The following GPR158 variants were observed in gnomAD, a reference collection of about 807,000 sequenced individuals.
GPR158 encodes the protein metabotropic glycine receptor.
In GPR158, 30 loss-of-function variants were observed where a neutral mutation model predicts 78.2. That is an observed-to-expected ratio of 0.38 (90% CI 0.29 to 0.52). GPR158 has a LOEUF of 0.52. Ranked by LOEUF, GPR158 falls within the 20% of genes least tolerant of loss-of-function variation. The pLI, the probability that GPR158 is intolerant of heterozygous loss-of-function variation, is 0.83. For missense variants in GPR158, 1,463 were observed against 1,523.5 expected, an observed-to-expected ratio of 0.96 and a Z score of 0.66; for synonymous variants, 581 against 591.1, an observed-to-expected ratio of 0.98 and a Z score of 0.25.
At chr10:25,567,153 A>G (rs751379832) in intron 6 of GPR158, among the ~76,000 whole-genome samples, 1 of 152,224 alleles carries the variant, frequency 6.6e-6, no homozygotes, top group Non-Finnish European at 1.5e-5. Flanking sequence ...TTTTATAAAT[A>G]GAAGAGATAC....
intron 2 of GPR158, among the ~76,000 whole-genome samples, chr10:25,358,240 T>G (rs1179570184): frequency 6.7e-6 from 1 of 148,454 alleles, no homozygotes; most frequent in East Asian, 1.9e-4. Context: ...TGCCTTGTTT[T>G]GGATGAGACT....
At chr10:25,365,004 T>G (rs1037710725) in intron 2 of GPR158, among the ~76,000 whole-genome samples, 1 of 151,846 alleles carries the variant, frequency 6.6e-6, no homozygotes, top group African/African-American at 2.4e-5. Flanking sequence ...ACATTTCAAC[T>G]GTCTATGTAA....
At chr10:25,420,861 A>G (rs1311953159) in intron 4 of GPR158, among the ~76,000 whole-genome samples, 1 of 152,114 alleles carries the variant, frequency 6.6e-6, no homozygotes, top group Non-Finnish European at 1.5e-5. Context: ...TGTTTTGATT[A>G]CTATATCTTT....
intron 7 of GPR158, among the ~76,000 whole-genome samples, chr10:25,575,050 G>C (rs113364511): frequency 7.0e-5 from 10 of 141,940 alleles, no homozygotes; most frequent in African/African-American, 2.4e-4. Context: ...CTGGGCAACA[G>C]AGCGAGACTC....
At chr10:25,299,359 CTG>C (rs891261540) in intron 2 of GPR158, among the ~76,000 whole-genome samples, 14 of 152,218 alleles carry the variant, frequency 9.2e-5, no homozygotes, top group Middle Eastern at 3.4e-3. Context: ...TGGAGAAAAA[CTG>C]TATGTTTGTA....
chr10:25,248,447 G>T (rs1462035901), intron 2 of GPR158, among the ~76,000 whole-genome samples: 1 of 151,718 alleles, frequency 6.6e-6, no homozygotes, highest in Non-Finnish European at 1.5e-5. Flanking sequence ...TATGGTTTTA[G>T]GTCTAACATT....
chr10:25,543,717 T>TG (rs1836621279), intron 5 of GPR158, among the ~76,000 whole-genome samples: 2 of 152,252 alleles, frequency 1.3e-5, no homozygotes, highest in Admixed American at 6.5e-5. Context: ...AGTGAGAACA[T>TG]GCAGGAATTT....
intron 1 of GPR158, among the ~76,000 whole-genome samples, chr10:25,200,486 GTTTCTT>G (rs1852907390): frequency 6.6e-6 from 1 of 152,180 alleles, no homozygotes. Context: ...TCTGTGGATA[GTTTCTT>G]TTGCTGTGCA....
intron 2 of GPR158, among the ~76,000 whole-genome samples, chr10:25,250,487 T>C (rs1853778238): frequency 6.8e-6 from 1 of 146,870 alleles, no homozygotes; most frequent in African/African-American, 2.5e-5. Flanking sequence ...GCTTTGAATG[T>C]GTCCCAGAGA....
At chr10:25,233,377 A>G (rs1276830755) in intron 2 of GPR158, among the ~76,000 whole-genome samples, 1 of 150,458 alleles carries the variant, frequency 6.6e-6, no homozygotes, top group Non-Finnish European at 1.5e-5. Context: ...ATGCAAAAGC[A>G]GTTTCTTTTT....
intron 9 of GPR158, 111 bp downstream of exon 9, chr10:25,594,508 G>T: frequency 2.0e-6 from 1 of 502,010 alleles, no homozygotes; most frequent in Non-Finnish European, 3.5e-6. Context: ...ATTTAAAAGA[G>T]TTTTAAAGCT....
chr10:25,596,787 C>T lies in GPR158; in HGVS notation c.2143C>T (p.Arg715Trp), dbSNP rs566299810. Reference protein sequence around the residue: ...SEHSLDPEDIRDELKKLYAQL... With the variant: ...SEHSLDPEDIWDELKKLYAQL... ...GCACAGCTTGGATCCAGAGGACATT[C>T]GGGTAATGCCAGTACTCTATCTTTC... The change falls in exon 10 of 11, where the codon CGG becomes TGG. Residue 715 changes from arginine to tryptophan, a missense_variant and splice_region_variant. Physicochemically the swap from Arg to Trp is moderately radical, Grantham distance 101 (BLOSUM62 -3). Coordinates refer to ENST00000376351, the MANE Select transcript of GPR158 (RefSeq NM_020752.3). 134 of 1,612,480 alleles carry T rather than the reference C, an allele frequency of 8.3e-5. No homozygotes were observed. Among genetic ancestry groups the T allele is most frequent in the Non-Finnish European group, 9.8e-5 (116 of 1,178,994 alleles).
intron 5 of GPR158, among the ~76,000 whole-genome samples, chr10:25,505,283 C>T (rs1035112115): frequency 1.3e-5 from 2 of 152,210 alleles, no homozygotes. Context: ...AGAGTCTATG[C>T]TGCTCTGTTT....
chr10:25,416,606 GA>G (rs1009238817), intron 4 of GPR158, among the ~76,000 whole-genome samples: 1 of 76,130 alleles, frequency 1.3e-5, no homozygotes, highest in South Asian at 4.7e-4. Flanking sequence ...ATAATAGTTA[GA>G]AAAAAAAGTA....
chr10:25,571,518 G>C (rs1387079846), intron 6 of GPR158, among the ~76,000 whole-genome samples: 1 of 152,142 alleles, frequency 6.6e-6, no homozygotes, highest in Non-Finnish European at 1.5e-5. Context: ...GGAGAGAATA[G>C]AACATTGAGA....
intron 2 of GPR158, among the ~76,000 whole-genome samples, chr10:25,327,251 AAC>A (rs141069877): frequency 3.0e-3 from 450 of 148,722 alleles, no homozygotes; most frequent in East Asian, 8.2e-3. Flanking sequence ...GACACTTACA[AAC>A]ACACACACAC....
chr10:25,588,314 CAG>C (rs1163235916), intron 7 of GPR158, among the ~76,000 whole-genome samples: 1 of 152,288 alleles, frequency 6.6e-6, no homozygotes, highest in African/African-American at 2.4e-5. Context: ...GAGTCAGAAT[CAG>C]AATTATATCT....
At chr10:25,255,894 T>A (rs1853883147) in intron 2 of GPR158, among the ~76,000 whole-genome samples, 1 of 152,220 alleles carries the variant, frequency 6.6e-6, no homozygotes, top group Non-Finnish European at 1.5e-5. Context: ...TCATATTATA[T>A]ACCTGTCCAT....
At chr10:25,491,701 A>T (rs1466792721) in intron 5 of GPR158, among the ~76,000 whole-genome samples, 2 of 152,202 alleles carry the variant, frequency 1.3e-5, no homozygotes, top group African/African-American at 4.8e-5. Context: ...TGAGCATGGT[A>T]AAAAATACCC....
Sources: gnomAD v4.1 joint callset for allele counts (sites outside exome capture counted in the v4.1 genomes callset) on GRCh38, gnomAD v4.1.1 for gene constraint, MANE v1.5 for transcripts, NCBI Gene and HGNC (gene_info 2026-07-23, HGNC 2026-07-21) for gene names.